ARHGAP10: variants seen among roughly 807,000 people sequenced by gnomAD.
The protein encoded by ARHGAP10 is Rho GTPase activating protein 10.
A neutral mutation model predicts 108.6 loss-of-function variants in ARHGAP10; 87 were observed. That is an observed-to-expected ratio of 0.80 (90% CI 0.67 to 0.96). The LOEUF is 0.96. Among genes scored for constraint, ARHGAP10 ranks in the 40% least tolerant of loss-of-function variants. The pLI is 0.00. For synonymous variants in ARHGAP10, 347 were observed against 341.1 expected, an observed-to-expected ratio of 1.02 and a Z score of -0.19; for missense variants, 939 against 954.5, an observed-to-expected ratio of 0.98 and a Z score of 0.21.
At chr4:147,740,606 A>G (rs773508940) in intron 1 of ARHGAP10, among the ~76,000 whole-genome samples, 2 of 152,208 alleles carry the variant, frequency 1.3e-5, no homozygotes, top group Non-Finnish European at 2.9e-5. Context: ...TATTATGAGT[A>G]CAGTATAGAC....
chr4:147,768,405 A>G (rs994586328), intron 1 of ARHGAP10, among the ~76,000 whole-genome samples: 1 of 152,204 alleles, frequency 6.6e-6, no homozygotes, highest in Non-Finnish European at 1.5e-5. Context: ...AAACCTGTCA[A>G]ATAATTCTAA....
chr4:147,751,052 G>A (rs552624738), intron 1 of ARHGAP10, among the ~76,000 whole-genome samples: 1 of 151,762 alleles, frequency 6.6e-6, no homozygotes, highest in African/African-American at 2.4e-5. Flanking sequence ...GATGGTGCGT[G>A]CCTATAGTCC....
chr4:147,757,257 C>T (rs1729415483), intron 1 of ARHGAP10, among the ~76,000 whole-genome samples: 1 of 140,946 alleles, frequency 7.1e-6, no homozygotes, highest in South Asian at 2.2e-4. Flanking sequence ...TGCAGTGGTG[C>T]CATCTGGGCT....
chr4:147,868,626 C>G (rs1293888206), intron 7 of ARHGAP10, among the ~76,000 whole-genome samples: 1 of 152,122 alleles, frequency 6.6e-6, no homozygotes, highest in Non-Finnish European at 1.5e-5. Flanking sequence ...GGTCCCCAAC[C>G]TTTTTGGCAC....
intron 19 of ARHGAP10, among the ~76,000 whole-genome samples, chr4:148,027,690 T>C (rs776783491): frequency 7.2e-5 from 11 of 152,160 alleles, no homozygotes; most frequent in Non-Finnish European, 1.6e-4. Flanking sequence ...ATTAGAACTT[T>C]GAATAATTAG....
rs10016632 is a variant in ARHGAP10 at position 147,944,331 on chromosome 4, A to G, written c.1304-2286A>G. On this transcript the variant is annotated intron_variant, in intron 14 of 22. Transcript: ENST00000336498. ...ACTGATCAAAATGTAATCAGTGTCA[A>G]TTGCCATTGTTGTAGTTTATTGCAT... 5.2e-3 allele frequency among the ~76,000 whole-genome samples: 785 copies of G among 152,360 alleles called. 8 individuals carry two copies. Among genetic ancestry groups the G allele is most frequent in the African/African-American group, 0.018 (752 of 41,592 alleles).
At chr4:148,035,234 T>C (rs1349565331) in intron 19 of ARHGAP10, among the ~76,000 whole-genome samples, 1 of 152,244 alleles carries the variant, frequency 6.6e-6, no homozygotes, top group Non-Finnish European at 1.5e-5. Flanking sequence ...GGGCAAGCAT[T>C]ATGCTTAATT....
At chr4:147,914,556 T>TCC (rs33937677) in intron 13 of ARHGAP10, among the ~76,000 whole-genome samples, 13 of 120,104 alleles carry the variant, frequency 1.1e-4, no homozygotes, top group African/African-American at 1.9e-4. Context: ...TGTTCTGCGC[T>TCC]CCCCCCCCCC....
intron 14 of ARHGAP10, among the ~76,000 whole-genome samples, chr4:147,942,211 A>G (rs1350980918): frequency 6.6e-6 from 1 of 152,158 alleles, no homozygotes; most frequent in East Asian, 1.9e-4. Context: ...TTCAAGGAAC[A>G]TTTTGTTTGT....
chr4:147,973,089 G>A (rs533988908), intron 18 of ARHGAP10, among the ~76,000 whole-genome samples: 1 of 152,126 alleles, frequency 6.6e-6, no homozygotes, highest in Admixed American at 6.6e-5. Context: ...CCAGAGTGTG[G>A]ATCAACTTGT....
intron 13 of ARHGAP10, among the ~76,000 whole-genome samples, chr4:147,930,960 C>T (rs1016811964): frequency 3.9e-5 from 6 of 152,288 alleles, no homozygotes; most frequent in African/African-American, 1.4e-4. Context: ...TGGATGCCTG[C>T]TAGTGCTCAG....
At position 148,052,992 on chromosome 4, in the gene ARHGAP10, G is replaced by A. The variant is rs534724817; in HGVS notation, c.2027+5941G>A. Among the ~76,000 whole-genome samples the A allele has an allele frequency of 1.9e-4, 29 of 152,222 alleles. No individual in the cohort carries two copies. In the South Asian group the frequency reaches 5.0e-3, roughly 26 times the overall value. The stretch of plus-strand genomic sequence containing the variant: ...AGAAAAAGTATTAGATACCCTCTTG[G>A]CACTTCCAGGCTGAGAGACCATGGA... On this transcript the variant is annotated intron_variant, in intron 20 of 22. Coordinates refer to ENST00000336498, the MANE Select transcript of ARHGAP10 (RefSeq NM_024605.4).
chr4:147,982,869 C>G (rs1383875883), intron 18 of ARHGAP10, among the ~76,000 whole-genome samples: 1 of 151,470 alleles, frequency 6.6e-6, no homozygotes, highest in African/African-American at 2.4e-5. Flanking sequence ...TTCTCAAATA[C>G]TTACTTACTT....
chr4:147,864,460 G>A (rs1030881734), intron 5 of ARHGAP10: 2 of 160,450 alleles, frequency 1.2e-5, no homozygotes, highest in African/African-American at 4.8e-5. Context: ...GATTGTGATT[G>A]CATGTGGTTC....
chr4:147,935,400 C>T (rs541023121), intron 13 of ARHGAP10, among the ~76,000 whole-genome samples: 16 of 152,170 alleles, frequency 1.1e-4, no homozygotes, highest in East Asian at 5.8e-4. Context: ...TTAGGGATTC[C>T]GTAATAAATG....
At position 147,879,311 on chromosome 4, in the gene ARHGAP10, A is replaced by G. The variant is rs776500630; in HGVS notation, c.912A>G (p.Pro304=). Residue 304 remains proline (P), a synonymous_variant, in exon 9 of 23, where the codon CCA becomes CCG. Transcript: ENST00000336498. The part of the protein sequence containing the change: ...RKAAKKFNMI[P]FEHRSGGKLG... ...CAGCAAAGAAGTTCAACATGATCCC[A>G]TTTGAGCACAGATCTGGAGGGAAAC... The G allele has an allele frequency of 3.1e-6, 5 of 1,613,972 alleles. No individual in the cohort carries two copies. The Admixed American group carries it at 5.0e-5, about 16-fold the overall frequency.
intron 1 of ARHGAP10, among the ~76,000 whole-genome samples, chr4:147,747,164 T>C (rs1728960138): frequency 6.6e-6 from 1 of 152,134 alleles, no homozygotes; most frequent in Non-Finnish European, 1.5e-5. Context: ...CTTTTTTTTT[T>C]TTCCCCCAAA....
At chr4:147,875,681 G>A (rs1363041421) in intron 8 of ARHGAP10, among the ~76,000 whole-genome samples, 1 of 152,128 alleles carries the variant, frequency 6.6e-6, no homozygotes, top group Non-Finnish European at 1.5e-5. Context: ...TGAGATAGCT[G>A]GTTCTTACTA....
At chr4:147,869,996 G>GGT (rs35864245) in intron 7 of ARHGAP10, among the ~76,000 whole-genome samples, 1 of 131,404 alleles carries the variant, frequency 7.6e-6, no homozygotes, top group Non-Finnish European at 1.6e-5. Flanking sequence ...AAAAGTCCCA[G>GGT]TTTGTGTGTG....
Sources: allele counts gnomAD v4.1 joint callset (sites outside exome capture counted in the v4.1 genomes callset), GRCh38; gene constraint gnomAD v4.1.1; transcripts MANE v1.5; gene names NCBI Gene and HGNC (gene_info 2026-07-23, HGNC 2026-07-21).